Variants in DPF3 observed in about 807,000 individuals in gnomAD.
DPF3 encodes double PHD fingers 3, also known as zinc finger protein DPF3.
A neutral mutation model predicts 56.8 loss-of-function variants in DPF3; 18 were observed. The ratio of observed to expected loss-of-function variants is 0.32; its 90% confidence interval spans 0.22 to 0.47. The LOEUF (loss-of-function observed/expected upper bound fraction) is 0.47, where lower values mean the gene tolerates loss of function less well. Ranked by LOEUF, DPF3 falls within the 20% of genes least tolerant of loss-of-function variation. The probability of loss-of-function intolerance (pLI) is 1.00; values close to 1 mark genes in which losing one functional copy is unlikely to be tolerated. For missense variants in DPF3, 403 were observed against 488.8 expected, an observed-to-expected ratio of 0.82 and a Z score of 1.65; for synonymous variants, 188 against 180.2, an observed-to-expected ratio of 1.04 and a Z score of -0.35.
chr14:72,788,897 T>C (rs1220437697), intron 1 of DPF3, among the ~76,000 whole-genome samples: 2 of 152,180 alleles, frequency 1.3e-5, no homozygotes, highest in African/African-American at 4.8e-5. Flanking sequence ...AAGCAATGCT[T>C]TGGGGCAGAC....
At chr14:72,841,255 G>A (rs984811134) in intron 1 of DPF3, among the ~76,000 whole-genome samples, 1 of 152,150 alleles carries the variant, frequency 6.6e-6, no homozygotes, top group Admixed American at 6.5e-5. Context: ...GGTACCTGGG[G>A]CTGGATGGGA....
intron 8 of DPF3, among the ~76,000 whole-genome samples, chr14:72,638,819 AT>A (rs71109742): frequency 0.046 from 6,560 of 141,546 alleles, 301 homozygotes; most frequent in East Asian, 0.16. Context: ...TTTGTTTTAC[AT>A]TTTTTTTTTT....
intron 1 of DPF3, among the ~76,000 whole-genome samples, chr14:72,808,745 G>C (rs988588225): frequency 6.6e-6 from 1 of 152,226 alleles, no homozygotes. Context: ...ACCGGAAAGA[G>C]AGAGGGGTCT....
chr14:72,759,659 A>C (rs190701314), intron 2 of DPF3, among the ~76,000 whole-genome samples: 47 of 152,308 alleles, frequency 3.1e-4, no homozygotes, highest in African/African-American at 1.1e-3. Context: ...GATGAAAACT[A>C]TAAACCCATA....
chr14:72,655,018 C>T (rs1886023310), intron 8 of DPF3, among the ~76,000 whole-genome samples: 1 of 152,116 alleles, frequency 6.6e-6, no homozygotes, highest in African/African-American at 2.4e-5. Context: ...ACTCATCACT[C>T]AGCCAAGCAG....
chr14:72,776,027 G>T (rs150420536), intron 1 of DPF3, among the ~76,000 whole-genome samples: 1 of 151,932 alleles, frequency 6.6e-6, no homozygotes, highest in Non-Finnish European at 1.5e-5. Flanking sequence ...GATCCCAGGA[G>T]TGACATTTAC....
chr14:72,688,949 G>A (rs1471046691), intron 7 of DPF3, among the ~76,000 whole-genome samples: 1 of 152,166 alleles, frequency 6.6e-6, no homozygotes, highest in African/African-American at 2.4e-5. Flanking sequence ...GGGCACACAG[G>A]AAAGGGGACA....
chr14:72,804,807 GTAT>G (rs1893026048), intron 1 of DPF3, among the ~76,000 whole-genome samples: 1 of 152,100 alleles, frequency 6.6e-6, no homozygotes, highest in Admixed American at 6.5e-5. Context: ...AGGGACGTTG[GTAT>G]AAAATAGGCT....
At chr14:72,858,348 C>T (rs2140093497) in intron 1 of DPF3, among the ~76,000 whole-genome samples, 1 of 150,312 alleles carries the variant, frequency 6.7e-6, no homozygotes, top group South Asian at 2.1e-4. Context: ...CAACTCCAGG[C>T]TTGTGCACTT....
intron 1 of DPF3, among the ~76,000 whole-genome samples, chr14:72,859,142 A>C (rs953569900): frequency 6.6e-6 from 1 of 152,140 alleles, no homozygotes; most frequent in East Asian, 1.9e-4. Flanking sequence ...GATGTCTGAG[A>C]TTTATTTCAA....
chr14:72,893,180 G>C (rs893006542), intron 1 of DPF3, among the ~76,000 whole-genome samples: 2 of 152,072 alleles, frequency 1.3e-5, no homozygotes, highest in Admixed American at 1.3e-4. Context: ...CCCTCGCCCG[G>C]CCGGGAGCAG....
chr14:72,657,030 T>C (rs552865887), intron 8 of DPF3, among the ~76,000 whole-genome samples: 2 of 152,360 alleles, frequency 1.3e-5, no homozygotes, highest in Admixed American at 1.3e-4. Context: ...CATGTTATCT[T>C]ACTGGTTGTT....
chr14:72,756,884 G>A (rs893538549), intron 2 of DPF3, among the ~76,000 whole-genome samples: 3,818 of 44,552 alleles, frequency 0.086, 51 homozygotes, highest in East Asian at 0.13. Context: ...AAGGAAAGAA[G>A]GAAAGAAAGA....
intron 8 of DPF3, among the ~76,000 whole-genome samples, chr14:72,645,727 T>C (rs185513142): frequency 2.0e-5 from 3 of 152,256 alleles, no homozygotes; most frequent in Admixed American, 1.3e-4. Flanking sequence ...TTTCCCACCA[T>C]GGACCCCAAC....
Position 72,879,753 on chromosome 14 carries a change from A to G in DPF3, c.32+14304T>C. ...GTCTCTCTGGGCAGGGACACAGAGC[A>G]TCCCCTCAGACTAACAAGTTCACAC... is the stretch of plus-strand genomic sequence containing the variant. On this transcript the variant is annotated intron_variant, in intron 1 of 10. Coordinates refer to ENST00000556509, the MANE Select transcript of DPF3 (RefSeq NM_001280542.3). The G allele has an allele frequency of 3.3e-6, 5 of 1,499,270 alleles. No individual in the cohort carries two copies. In the South Asian group the frequency reaches 6.3e-5, roughly 19 times the overall value. 92.9% of individuals were successfully genotyped at this position (1,499,270 alleles called of 1,614,324 possible). A position where few individuals can be genotyped will look rare whatever the true frequency, so the allele number is the denominator to read the frequency against.
At chr14:72,745,987 G>A (rs535840947) in intron 3 of DPF3, among the ~76,000 whole-genome samples, 309 of 152,322 alleles carry the variant, frequency 2.0e-3, no homozygotes, top group Non-Finnish European at 3.8e-3. Context: ...AGTTGGGCAG[G>A]TTGTGCCCTC....
chr14:72,799,102 G>A (rs995671917), intron 1 of DPF3, among the ~76,000 whole-genome samples: 3 of 152,190 alleles, frequency 2.0e-5, no homozygotes, highest in African/African-American at 7.2e-5. Flanking sequence ...CACTGGGCAG[G>A]TGGGGCTGAA....
rs1428028523 is a variant in DPF3, at chr14:72,756,928, A to AAGAAAGAAAGAAAGAAGAGAAG, written c.194-3558_194-3557insCTTCTCTTCTTTCTTTCTTTCT. 5.0e-4 allele frequency among the ~76,000 whole-genome samples: 69 copies of AAGAAAGAAAGAAAGAAGAGAAG among 139,162 alleles called. 1 individual carries two copies. The highest frequency in any genetic ancestry group is 3.3e-3 in the South Asian group (14 of 4,212). 91.3% of individuals were successfully genotyped at this position (139,162 alleles called of 152,430 possible). A position where few individuals can be genotyped will look rare whatever the true frequency, so the allele number is the denominator to read the frequency against. ...AAAAAAAGAAAGAAAGAAAGAAAGA[A>AAGAAAGAAAGAAAGAAGAGAAG]AGAAGAGAAGAGAAGAGAAAGGGAG... On this transcript the variant is annotated intron_variant, in intron 2 of 10. Transcript: ENST00000556509.
intron 7 of DPF3, among the ~76,000 whole-genome samples, chr14:72,682,170 T>C (rs960762765): frequency 6.9e-6 from 1 of 145,888 alleles, no homozygotes; most frequent in East Asian, 2.0e-4. Flanking sequence ...GCCAAGATTG[T>C]GCCACTGCAC....
Sources: allele counts gnomAD v4.1 joint callset (sites outside exome capture counted in the v4.1 genomes callset), GRCh38; gene constraint gnomAD v4.1.1; transcripts MANE v1.5; gene names NCBI Gene and HGNC (gene_info 2026-07-23, HGNC 2026-07-21).